The following SEC61A1 variants were observed in gnomAD, a reference collection of about 807,000 sequenced individuals.
SEC61A1 encodes the protein protein transport protein Sec61 subunit alpha isoform 1.
SEC61A1 carries 15 observed loss-of-function variants against 55.2 expected under a neutral mutation model. That is an observed-to-expected ratio of 0.27 (90% CI 0.18 to 0.42). SEC61A1 has a LOEUF of 0.42. Ranked by LOEUF, SEC61A1 falls within the 10% of genes least tolerant of loss-of-function variation. The pLI, the probability that SEC61A1 is intolerant of heterozygous loss-of-function variation, is 1.00. For missense variants in SEC61A1, 284 were observed against 602.6 expected (o/e 0.47, Z 5.53); for synonymous variants, 247 against 234.0 (o/e 1.06, Z -0.51).
chr3:128,059,413 C>G (rs1360240451), intron 5 of SEC61A1, among the ~76,000 whole-genome samples: 1 of 150,416 alleles, frequency 6.6e-6, no homozygotes, highest in Admixed American at 6.7e-5. Flanking sequence ...GTGGAGGTTG[C>G]AGTGAGCCAA....
At chr3:128,069,383 A>G (rs1168270329) in intron 11 of SEC61A1, 93 bp from the exon 12 acceptor site, 3 of 1,191,888 alleles carry the variant, frequency 2.5e-6, no homozygotes, top group African/African-American at 1.5e-5. Context: ...CCTTTGAGGC[A>G]TTAGGTCCCA....
At chr3:128,061,438 A>G (rs1181578984) in intron 7 of SEC61A1, among the ~76,000 whole-genome samples, 1 of 152,256 alleles carries the variant, frequency 6.6e-6, no homozygotes, top group Non-Finnish European at 1.5e-5. Context: ...GGCACTAAAT[A>G]TCTTCTTCAC....
chr3:128,057,673 C>T (rs1271897718), intron 5 of SEC61A1, among the ~76,000 whole-genome samples: 1 of 140,016 alleles, frequency 7.1e-6, no homozygotes, highest in East Asian at 2.1e-4. Flanking sequence ...ACCTGGCCAA[C>T]ATGGTGAAAC....
At chr3:128,059,923 A>T (rs373962287) in intron 5 of SEC61A1, among the ~76,000 whole-genome samples, 179 bp from the exon 6 acceptor site, 3 of 152,312 alleles carry the variant, frequency 2.0e-5, no homozygotes, top group African/African-American at 7.2e-5. Context: ...CTTTTGATTC[A>T]TCATGTACTT....
At chr3:128,058,201 ATTTTTTTTTTTT>A (rs57508280) in intron 5 of SEC61A1, among the ~76,000 whole-genome samples, 1 of 79,358 alleles carries the variant, frequency 1.3e-5, no homozygotes, top group Non-Finnish European at 2.2e-5. Context: ...AAATACGTCT[ATTTTTTTTTTTT>A]TTTTTTTTTT....
chr3:128,069,964 C>T lies in SEC61A1; in HGVS notation c.*302C>T, dbSNP rs1188037381. Reference sequence around the variant, plus strand: ...TTTTGTTTTAACCTTTGCACCTTCTCAGTGCTGTATGCGGCTGCAGCCGTC... The same window carrying T: ...TTTTGTTTTAACCTTTGCACCTTCTTAGTGCTGTATGCGGCTGCAGCCGTC... On this transcript the variant is annotated 3_prime_UTR_variant, in exon 12 of 12. Coordinates refer to ENST00000243253, the MANE Select transcript of SEC61A1 (RefSeq NM_013336.4). 1 of 267,014 alleles carries T rather than the reference C, an allele frequency of 3.7e-6. No homozygotes were observed. Among genetic ancestry groups the T allele is most frequent in the Non-Finnish European group, 7.1e-6 (1 of 140,602 alleles). The allele number at this position is 267,014 out of a possible 1,614,324, so 16.5% of individuals were successfully genotyped here.
rs1191371731 is a variant in SEC61A1, at chr3:128,052,552, C to T, written c.-1C>T. 1 of 1,600,324 alleles carries T rather than the reference C, an allele frequency of 6.2e-7. No homozygotes were observed. The highest frequency in any genetic ancestry group is 8.5e-7 in the Non-Finnish European group (1 of 1,174,404). On this transcript the variant is annotated 5_prime_UTR_variant, in exon 1 of 12. Coordinates refer to ENST00000243253, the MANE Select transcript of SEC61A1 (RefSeq NM_013336.4). ...GACCCGGAGCCCGAGCAGCCGCCGC[C>T]ATGGCAAGTGAGTCCTGTAGGGAAG... is the stretch of plus-strand genomic sequence containing the variant.
chr3:128,053,724 G>A (rs965119441), intron 2 of SEC61A1, among the ~76,000 whole-genome samples: 2 of 152,216 alleles, frequency 1.3e-5, no homozygotes, highest in Non-Finnish European at 2.9e-5. Context: ...CTCAATTCCA[G>A]TGTAGCGAAG....
chr3:128,056,604 G>A, intron 4 of SEC61A1, 105 bp from the exon 5 acceptor site: 1 of 1,025,436 alleles, frequency 9.8e-7, no homozygotes, highest in Non-Finnish European at 1.4e-6. Flanking sequence ...AAACACATTG[G>A]TTTTATATAA....
chr3:128,052,726 C>G (rs574867142), intron 1 of SEC61A1, 109 bp from the exon 2 acceptor site: 3 of 1,471,330 alleles, frequency 2.0e-6, no homozygotes, highest in Non-Finnish European at 2.8e-6. Flanking sequence ...GTGCGGCCGG[C>G]TCCCCTGGCC....
rs771087674 is a variant in SEC61A1, at chr3:128,066,961, G to A, written c.785G>A (p.Arg262Gln). 1 of 1,614,170 alleles carries A rather than the reference G, an allele frequency of 6.2e-7. No individual in the cohort carries two copies. ...FAVVIYFQGF[R>Q]VDLPIKSARY... ...TTCTGTTTGGCTTCTCAGGGCTTCC[G>A]AGTGGACCTGCCAATCAAGTCGGCC... Residue 262 changes from arginine to glutamine, a missense_variant, in exon 9 of 12, where the codon CGA becomes CAA. Transcript: ENST00000243253.
upstream of SEC61A1, chr3:128,052,396 G>C (rs1941697106): frequency 6.7e-6 from 8 of 1,202,468 alleles, no homozygotes; most frequent in South Asian, 1.2e-4. Context: ...CCCCGGCCCC[G>C]CCCCGCGCCG....
At chr3:128,068,259 C>G (rs1223554849) in intron 11 of SEC61A1, among the ~76,000 whole-genome samples, 200 bp downstream of exon 11, 1 of 152,218 alleles carries the variant, frequency 6.6e-6, no homozygotes, top group Non-Finnish European at 1.5e-5. Context: ...ACTTACAGCC[C>G]CTTTCCTCCA....
At chr3:128,055,841 C>T in intron 4 of SEC61A1, 90 bp downstream of exon 4, 1 of 1,028,654 alleles carries the variant, frequency 9.7e-7, no homozygotes, top group Non-Finnish European at 1.5e-6. Context: ...TTATATGGAA[C>T]TTAGAGAGTG....
chr3:128,052,046 T>C, upstream of SEC61A1: 2 of 730,952 alleles, frequency 2.7e-6, no homozygotes, highest in South Asian at 1.6e-5. Flanking sequence ...CAAAGAGCAG[T>C]GAGTGCTGTT....
At chr3:128,055,228 GTACAAAT>G (rs1215645510) in intron 2 of SEC61A1, among the ~76,000 whole-genome samples, 1 of 152,156 alleles carries the variant, frequency 6.6e-6, no homozygotes, top group Non-Finnish European at 1.5e-5. Context: ...TTGGGGTTTG[GTACAAAT>G]TATTTAGCTC....
At chr3:128,065,430 C>G (rs951708308) in intron 8 of SEC61A1, among the ~76,000 whole-genome samples, 3 of 152,186 alleles carry the variant, frequency 2.0e-5, no homozygotes, top group African/African-American at 7.2e-5. Flanking sequence ...GGCCTATCTT[C>G]TTAAGCTGTC....
At position 128,060,503 on chromosome 3, in the gene SEC61A1, T is replaced by C; in HGVS notation, c.463-5T>C. 2.5e-6 allele frequency: 4 copies of C among 1,614,076 alleles called. No individual in the cohort carries two copies. The highest frequency in any genetic ancestry group is 3.4e-6 in the Non-Finnish European group (4 of 1,179,956). On this transcript the variant is annotated splice_polypyrimidine_tract_variant and splice_region_variant and intron_variant, in intron 6 of 11. Coordinates refer to ENST00000243253, the MANE Select transcript of SEC61A1 (RefSeq NM_013336.4). ...ACATAGTCTTGTATTTTTGAATTTT[T>C]ACAGCTCTTTGTTGCTGGCTTAATT...
Position 128,056,698 on chromosome 3 carries a change from G to A in SEC61A1, c.221-11G>A, listed in dbSNP as rs754518825. The stretch of plus-strand genomic sequence containing the variant: ...CTGATATTGACTGTTTTGCTTCCCC[G>A]TTTCCTCAAGGCACATTGATGGAGC... On this transcript the variant is annotated splice_polypyrimidine_tract_variant and intron_variant, in intron 4 of 11. Coordinates refer to ENST00000243253, the MANE Select transcript of SEC61A1 (RefSeq NM_013336.4). 1.1e-5 allele frequency: 17 copies of A among 1,516,372 alleles called. No individual in the cohort carries two copies. Among genetic ancestry groups the A allele is most frequent in the South Asian group, 6.6e-5 (5 of 76,190 alleles). 93.9% of individuals were successfully genotyped at this position (1,516,372 alleles called of 1,614,324 possible).
Sources: allele counts gnomAD v4.1 joint callset (sites outside exome capture counted in the v4.1 genomes callset), GRCh38; gene constraint gnomAD v4.1.1; transcripts MANE v1.5; gene names NCBI Gene and HGNC (gene_info 2026-07-23, HGNC 2026-07-21).